KLF7: variants seen among roughly 807,000 people sequenced by gnomAD.
KLF7 encodes the protein KLF transcription factor 7.
Under a neutral mutation model 27.3 loss-of-function variants are expected in KLF7, and 2 were observed. That is an observed-to-expected ratio of 0.07 (90% CI 0.03 to 0.23). KLF7 has a LOEUF of 0.23. KLF7 is among the 10% of genes least tolerant of loss of function. The probability of loss-of-function intolerance (pLI) is 1.00; values close to 1 mark genes in which losing one functional copy is unlikely to be tolerated. For missense variants in KLF7, 221 were observed against 394.1 expected, an observed-to-expected ratio of 0.56 and a Z score of 3.72; for synonymous variants, 165 against 162.4, an observed-to-expected ratio of 1.02 and a Z score of -0.12.
upstream of KLF7, among the ~76,000 whole-genome samples, chr2:207,171,050 C>T (rs2078780807): frequency 1.3e-5 from 2 of 149,676 alleles, no homozygotes; most frequent in African/African-American, 2.5e-5. Flanking sequence ...ATTCACCATA[C>T]TAGATGCTAT....
chr2:207,117,999 A>C lies in KLF7; in HGVS notation c.733+5775T>G, dbSNP rs544868614. ...ATGGGCACTTAATACCTGTTCGCAG[A>C]AAGACTGAAGAACACATACAGTAAA... is the stretch of plus-strand genomic sequence containing the variant. On this transcript the variant is annotated intron_variant, in intron 2 of 3. Transcript: ENST00000309446. Among the ~76,000 whole-genome samples, 3 of 152,344 alleles carry C rather than the reference A, an allele frequency of 2.0e-5. No homozygotes were observed. The East Asian group carries it at 5.8e-4, about 29-fold the overall frequency.
chr2:207,136,621 A>T (rs2077796498), intron 1 of KLF7, among the ~76,000 whole-genome samples: 1 of 152,200 alleles, frequency 6.6e-6, no homozygotes, highest in Non-Finnish European at 1.5e-5. Flanking sequence ...ATTTGCTTGC[A>T]TGTTTATCGT....
intron 2 of KLF7, among the ~76,000 whole-genome samples, chr2:207,095,064 G>A (rs534044160): frequency 4.8e-4 from 54 of 111,812 alleles, no homozygotes; most frequent in Admixed American, 5.9e-4. Flanking sequence ...TTTCTGAGAC[G>A]GAGTCTCGCT....
At chr2:207,128,041 G>T (rs80251286) in intron 1 of KLF7, among the ~76,000 whole-genome samples, 216 of 152,294 alleles carry the variant, frequency 1.4e-3, no homozygotes, top group African/African-American at 5.0e-3. Context: ...AGCACACTTA[G>T]CCCAGGGATC....
chr2:207,126,052 T>C (rs1009645918), intron 1 of KLF7, among the ~76,000 whole-genome samples: 28 of 152,250 alleles, frequency 1.8e-4, no homozygotes, highest in Admixed American at 6.5e-4. Flanking sequence ...GTTTTACTTA[T>C]TGATTAAATA....
intron 2 of KLF7, among the ~76,000 whole-genome samples, chr2:207,096,568 C>T (rs2076635048): frequency 6.6e-6 from 1 of 152,146 alleles, no homozygotes; most frequent in Admixed American, 6.5e-5. Flanking sequence ...GCAGCACATA[C>T]CAAGGCCCTG....
At chr2:207,147,512 T>C (rs1410359024) in intron 1 of KLF7, among the ~76,000 whole-genome samples, 2 of 152,168 alleles carry the variant, frequency 1.3e-5, no homozygotes, top group African/African-American at 2.4e-5. Context: ...CTTCTTTTTT[T>C]CCCTCATTTA....
chr2:207,145,054 G>A (rs577122177), intron 1 of KLF7, among the ~76,000 whole-genome samples: 8 of 152,174 alleles, frequency 5.3e-5, no homozygotes, highest in African/African-American at 7.2e-5. Flanking sequence ...TCACCAGTCC[G>A]TTCTGGGGCA....
At chr2:207,153,869 A>G (rs976413868) in intron 1 of KLF7, among the ~76,000 whole-genome samples, 3 of 152,200 alleles carry the variant, frequency 2.0e-5, no homozygotes, top group Non-Finnish European at 4.4e-5. Flanking sequence ...CAAATATATA[A>G]TCTACAGAAG....
intron 1 of KLF7, among the ~76,000 whole-genome samples, chr2:207,134,820 T>C (rs1189565609): frequency 6.6e-6 from 1 of 152,212 alleles, no homozygotes; most frequent in East Asian, 1.9e-4. Flanking sequence ...TTAACCCCTC[T>C]GTGCCTCAGT....
chr2:207,168,055 TG>T (rs533942274), upstream of KLF7, among the ~76,000 whole-genome samples: 1 of 150,264 alleles, frequency 6.7e-6, no homozygotes, highest in Non-Finnish European at 1.5e-5. Context: ...CTATTTCAAC[TG>T]GGGGGATGGG....
chr2:207,079,486 T>C lies in KLF7; in HGVS notation c.*1727A>G, dbSNP rs2076232639. The C allele has an allele frequency of 6.6e-6, 1 of 152,210 alleles. No individual in the cohort carries two copies. The allele number at this position is 152,210 out of a possible 1,614,324, so 9.4% of individuals were successfully genotyped here. On this transcript the variant is annotated 3_prime_UTR_variant, in exon 4 of 4. Coordinates refer to ENST00000309446, the MANE Select transcript of KLF7 (RefSeq NM_003709.4). The stretch of plus-strand genomic sequence containing the variant: ...TTATAGACGTGTCTTGAAGGGATGG[T>C]CCCAGAATATACAAAATATACAATC...
chr2:207,100,536 C>G (rs1308877223), intron 2 of KLF7, among the ~76,000 whole-genome samples: 1 of 152,074 alleles, frequency 6.6e-6, no homozygotes, highest in Non-Finnish European at 1.5e-5. Flanking sequence ...ATTTTTCTAC[C>G]TTATCACCCA....
chr2:207,132,758 G>C (rs2077671604), intron 1 of KLF7, among the ~76,000 whole-genome samples: 1 of 152,264 alleles, frequency 6.6e-6, no homozygotes, highest in African/African-American at 2.4e-5. Context: ...AGAGCTGGTA[G>C]CTATGGCCCA....
At chr2:207,147,794 T>G (rs1474964159) in intron 1 of KLF7, among the ~76,000 whole-genome samples, 1 of 152,206 alleles carries the variant, frequency 6.6e-6, no homozygotes, top group African/African-American at 2.4e-5. Flanking sequence ...TGTAACACGA[T>G]ATGCCGGATA....
At chr2:207,109,686 C>T (rs1316757699) in intron 2 of KLF7, among the ~76,000 whole-genome samples, 3 of 152,192 alleles carry the variant, frequency 2.0e-5, no homozygotes, top group African/African-American at 7.2e-5. Flanking sequence ...TTCTTACTCC[C>T]AAAGCTGATC....
At chr2:207,119,557 T>C (rs532304781) in intron 2 of KLF7, among the ~76,000 whole-genome samples, 2 of 152,150 alleles carry the variant, frequency 1.3e-5, no homozygotes, top group Admixed American at 1.3e-4. Context: ...ATCATAATGG[T>C]AGAATTTGTG....
At chr2:207,138,583 C>G (rs890252374) in intron 1 of KLF7, among the ~76,000 whole-genome samples, 1 of 152,214 alleles carries the variant, frequency 6.6e-6, no homozygotes, top group African/African-American at 2.4e-5. Flanking sequence ...ATTAAGAATT[C>G]TTAAACTACC....
At chr2:207,092,139 T>C (rs2076526475) in intron 2 of KLF7, among the ~76,000 whole-genome samples, 2 of 152,224 alleles carry the variant, frequency 1.3e-5, no homozygotes, top group South Asian at 2.1e-4. Context: ...GAAACTGTCA[T>C]GGCCTTGCAC....
Sources: allele counts gnomAD v4.1 joint callset (sites outside exome capture counted in the v4.1 genomes callset), GRCh38; gene constraint gnomAD v4.1.1; transcripts MANE v1.5; gene names NCBI Gene and HGNC (gene_info 2026-07-23, HGNC 2026-07-21).